LHFPL3: variants seen among roughly 807,000 people sequenced by gnomAD.
The protein encoded by LHFPL3 is LHFPL tetraspan subfamily member 3.
Under a neutral mutation model 19.3 loss-of-function variants are expected in LHFPL3, and 5 were observed. The observed-to-expected ratio is 0.26, with a 90% CI of 0.14 to 0.54. LHFPL3 has a LOEUF of 0.54. Ranked by LOEUF, LHFPL3 falls within the 20% of genes least tolerant of loss-of-function variation. The pLI is 0.94. For missense variants in LHFPL3, 249 were observed against 307.4 expected (o/e 0.81, Z 1.42); for synonymous variants, 133 against 126.2 (o/e 1.05, Z -0.36).
intron 1 of LHFPL3, among the ~76,000 whole-genome samples, chr7:104,407,739 G>C (rs1791448145): frequency 6.6e-6 from 1 of 152,170 alleles, no homozygotes; most frequent in Non-Finnish European, 1.5e-5. Context: ...TCTCAACATT[G>C]AAGTTGGCAG....
chr7:104,469,627 G>C (rs1792866328), intron 1 of LHFPL3, among the ~76,000 whole-genome samples: 1 of 152,090 alleles, frequency 6.6e-6, no homozygotes, highest in South Asian at 2.1e-4. Flanking sequence ...ACCCCACCTG[G>C]ACTTAGCCCT....
At chr7:104,900,354 C>T (rs1792458408) in intron 2 of LHFPL3, among the ~76,000 whole-genome samples, 1 of 152,186 alleles carries the variant, frequency 6.6e-6, no homozygotes, top group African/African-American at 2.4e-5. Context: ...GAAATCCCTT[C>T]TTGTGAAATA....
intron 2 of LHFPL3, among the ~76,000 whole-genome samples, chr7:104,771,398 G>C (rs898700686): frequency 6.6e-6 from 1 of 152,136 alleles, no homozygotes; most frequent in Non-Finnish European, 1.5e-5. Flanking sequence ...ATTTTCTCAT[G>C]ATTTGTTCAT....
chr7:104,788,937 G>A (rs987910347), intron 2 of LHFPL3, among the ~76,000 whole-genome samples: 3 of 152,148 alleles, frequency 2.0e-5, no homozygotes, highest in Non-Finnish European at 4.4e-5. Flanking sequence ...CTTTAAGAAG[G>A]CACCACCATT....
At chr7:104,540,885 T>C (rs1562929464) in intron 1 of LHFPL3, among the ~76,000 whole-genome samples, 1 of 152,136 alleles carries the variant, frequency 6.6e-6, no homozygotes, top group Non-Finnish European at 1.5e-5. Context: ...TCCACTACTT[T>C]AGCTCAAAGC....
intron 2 of LHFPL3, among the ~76,000 whole-genome samples, chr7:104,770,076 C>A (rs941249498): frequency 1.6e-4 from 25 of 152,016 alleles, no homozygotes; most frequent in Admixed American, 1.6e-3. Context: ...CCCCATTTAC[C>A]TTTAAGGCTC....
At chr7:104,332,939 T>G (rs1478028081) in intron 1 of LHFPL3, among the ~76,000 whole-genome samples, 1 of 70,718 alleles carries the variant, frequency 1.4e-5, no homozygotes, top group Non-Finnish European at 2.7e-5. Flanking sequence ...GGCAATTTCT[T>G]CAGAAGGAAA....
At chr7:104,351,383 C>A (rs1018883999) in intron 1 of LHFPL3, among the ~76,000 whole-genome samples, 15 of 152,138 alleles carry the variant, frequency 9.9e-5, no homozygotes, top group African/African-American at 3.4e-4. Context: ...AGTTTGCAAA[C>A]TTTGGAACAC....
intron 1 of LHFPL3, among the ~76,000 whole-genome samples, chr7:104,427,931 G>C (rs1246017262): frequency 6.6e-6 from 1 of 152,166 alleles, no homozygotes; most frequent in Non-Finnish European, 1.5e-5. Flanking sequence ...AGTCCCAAAT[G>C]CTTCTTCAAA....
chr7:104,716,966 A>G (rs1012706411), intron 1 of LHFPL3, among the ~76,000 whole-genome samples: 1 of 152,238 alleles, frequency 6.6e-6, no homozygotes, highest in African/African-American at 2.4e-5. Context: ...TACTGACATA[A>G]AGACAGACAT....
intron 1 of LHFPL3, among the ~76,000 whole-genome samples, chr7:104,470,994 T>A (rs1334987214): frequency 6.6e-6 from 1 of 152,180 alleles, no homozygotes; most frequent in Non-Finnish European, 1.5e-5. Context: ...TTATTGAAGC[T>A]TTCTCAGTTT....
At chr7:104,864,995 C>A (rs1398544026) in intron 2 of LHFPL3, among the ~76,000 whole-genome samples, 1 of 152,214 alleles carries the variant, frequency 6.6e-6, no homozygotes, top group Non-Finnish European at 1.5e-5. Context: ...CAAACTCCAA[C>A]AGACCTGCAG....
chr7:104,663,088 T>C (rs1047715084), intron 1 of LHFPL3, among the ~76,000 whole-genome samples: 15 of 152,244 alleles, frequency 9.9e-5, no homozygotes, highest in Admixed American at 3.3e-4. Context: ...AATTTCACTA[T>C]GTAAAATAAA....
At chr7:104,769,492 G>A (rs560285629) in intron 2 of LHFPL3, among the ~76,000 whole-genome samples, 177 of 152,148 alleles carry the variant, frequency 1.2e-3, no homozygotes, top group Non-Finnish European at 1.2e-3. Context: ...AAGTTCTGGG[G>A]TACATGTGCA....
chr7:104,511,441 A>G (rs1793810989), intron 1 of LHFPL3, among the ~76,000 whole-genome samples: 1 of 152,228 alleles, frequency 6.6e-6, no homozygotes, highest in Non-Finnish European at 1.5e-5. Context: ...CAATTACTAT[A>G]GGATCCAGCA....
At chr7:104,728,868 G>A (rs533972263) in intron 1 of LHFPL3, among the ~76,000 whole-genome samples, 4 of 152,236 alleles carry the variant, frequency 2.6e-5, no homozygotes, top group South Asian at 2.1e-4. Flanking sequence ...AGCAACTGTT[G>A]AAGCAACTGT....
At chr7:104,500,461 T>C (rs2115730049) in intron 1 of LHFPL3, among the ~76,000 whole-genome samples, 1 of 152,346 alleles carries the variant, frequency 6.6e-6, no homozygotes, top group Non-Finnish European at 1.5e-5. Context: ...AATTCAATGA[T>C]AAATAGACAT....
At chr7:104,691,198 A>G (rs867190952) in intron 1 of LHFPL3, among the ~76,000 whole-genome samples, 1 of 152,372 alleles carries the variant, frequency 6.6e-6, no homozygotes, top group African/African-American at 2.4e-5. Flanking sequence ...TGTACACAGC[A>G]GCATTCCATC....
At chr7:104,830,819 G>T (rs994573511) in intron 2 of LHFPL3, among the ~76,000 whole-genome samples, 1 of 151,812 alleles carries the variant, frequency 6.6e-6, no homozygotes, top group Non-Finnish European at 1.5e-5. Flanking sequence ...GATGCAGGCT[G>T]TTTTTTGCCT....
Sources: allele counts gnomAD v4.1 joint callset (sites outside exome capture counted in the v4.1 genomes callset), GRCh38; gene constraint gnomAD v4.1.1; transcripts MANE v1.5; gene names NCBI Gene and HGNC (gene_info 2026-07-23, HGNC 2026-07-21).